Variants in NCAM2 observed in about 807,000 individuals in gnomAD.
The protein encoded by NCAM2 is N-CAM-2.
A neutral mutation model predicts 98.1 loss-of-function variants in NCAM2; 30 were observed. The ratio of observed to expected loss-of-function variants is 0.31; its 90% CI spans 0.23 to 0.41. The LOEUF is 0.41. NCAM2 is among the 10% of genes least tolerant of loss of function. The pLI is 1.00. For synonymous variants in NCAM2, 368 were observed against 342.4 expected, an observed-to-expected ratio of 1.07 and a Z score of -0.83; for missense variants, 867 against 1,005.8, an observed-to-expected ratio of 0.86 and a Z score of 1.87.
intron 1 of NCAM2, among the ~76,000 whole-genome samples, chr21:21,198,482 A>T (rs2069093370): frequency 6.6e-6 from 1 of 152,194 alleles, no homozygotes; most frequent in African/African-American, 2.4e-5. Flanking sequence ...GACCTTATAG[A>T]AAGATGAATT....
intron 6 of NCAM2, among the ~76,000 whole-genome samples, chr21:21,327,133 G>A (rs1046251881): frequency 2.0e-5 from 3 of 151,968 alleles, no homozygotes; most frequent in African/African-American, 4.8e-5. Flanking sequence ...TGGGATTACA[G>A]GCGCAAGCAA....
chr21:21,223,722 G>A (rs1271667055), intron 1 of NCAM2: 1 of 152,028 alleles, frequency 6.6e-6, no homozygotes, highest in African/African-American at 2.4e-5. Flanking sequence ...GTTCTTTTCC[G>A]ACTAGAGTTT....
At chr21:21,423,739 C>T (rs369988762) in intron 11 of NCAM2, among the ~76,000 whole-genome samples, 3 of 152,152 alleles carry the variant, frequency 2.0e-5, no homozygotes, top group South Asian at 4.2e-4. Context: ...AGTTTTGACT[C>T]ATTTTTTAAC....
chr21:21,413,784 T>TTA (rs1170025058), intron 10 of NCAM2, among the ~76,000 whole-genome samples: 1 of 152,192 alleles, frequency 6.6e-6, no homozygotes, highest in Non-Finnish European at 1.5e-5. Flanking sequence ...TGCTTACTGA[T>TTA]CAGAATGTTG....
At chr21:21,490,585 G>A (rs112721602) in intron 15 of NCAM2, among the ~76,000 whole-genome samples, 2 of 151,684 alleles carry the variant, frequency 1.3e-5, no homozygotes, top group African/African-American at 2.4e-5. Flanking sequence ...TTCTATGTAT[G>A]TACTGAATAG....
At chr21:21,281,989 C>A (rs577699362) in intron 2 of NCAM2, among the ~76,000 whole-genome samples, 111 of 151,866 alleles carry the variant, frequency 7.3e-4, no homozygotes, top group African/African-American at 2.6e-3. Flanking sequence ...ATTCTTTATA[C>A]ATTTTCCTTC....
chr21:21,316,533 C>CTTTTT (rs34341259), intron 5 of NCAM2, among the ~76,000 whole-genome samples: 17 of 110,896 alleles, frequency 1.5e-4, no homozygotes, highest in Middle Eastern at 5.4e-3. Context: ...ATCTTTTATT[C>CTTTTT]TTTTTTTTTT....
chr21:21,052,022 A>C (rs1460183075), intron 1 of NCAM2, among the ~76,000 whole-genome samples: 1 of 152,134 alleles, frequency 6.6e-6, no homozygotes, highest in African/African-American at 2.4e-5. Flanking sequence ...TTTTTAACAA[A>C]GGTAAATTGC....
intron 1 of NCAM2, among the ~76,000 whole-genome samples, chr21:21,186,567 G>A (rs1425525052): frequency 6.6e-6 from 1 of 152,058 alleles, no homozygotes; most frequent in Non-Finnish European, 1.5e-5. Context: ...ATACAAAACA[G>A]TAATACCTGT....
At chr21:21,227,876 G>T (rs1430525514) in intron 1 of NCAM2, among the ~76,000 whole-genome samples, 2 of 151,746 alleles carry the variant, frequency 1.3e-5, no homozygotes, top group Non-Finnish European at 3.0e-5. Flanking sequence ...AAAACTTAGA[G>T]AAATATAAGT....
chr21:21,259,894 T>G (rs560478728), intron 1 of NCAM2, among the ~76,000 whole-genome samples: 1 of 141,846 alleles, frequency 7.0e-6, no homozygotes, highest in Non-Finnish European at 1.5e-5. Flanking sequence ...TTTTTAAAAG[T>G]TACATCCAAA....
rs751489970 is a variant in NCAM2, at chr21:21,450,793, T to TGTATGTATACAC, written c.1655-15813_1655-15812insGTATGTATACAC. ...CATCATGTATGTATGTATGTATGTATACACACACACACACACACACACACA... is the reference window on the plus strand; with the variant it reads ...CATCATGTATGTATGTATGTATGTATGTATGTATACACACACACACACACACACACACACACA... On this transcript the variant is annotated intron_variant, in intron 12 of 17. Transcript: ENST00000400546. Among the ~76,000 whole-genome samples the TGTATGTATACAC allele has an allele frequency of 9.7e-3, 1,397 of 143,398 alleles. 17 individuals are homozygous for TGTATGTATACAC. Among genetic ancestry groups the TGTATGTATACAC allele is most frequent in the African/African-American group, 0.014 (529 of 37,852 alleles). The allele number at this position is 143,398 out of a possible 152,430, so 94.1% of individuals were successfully genotyped here.
intron 1 of NCAM2, among the ~76,000 whole-genome samples, chr21:21,046,430 A>T (rs527705782): frequency 6.6e-6 from 1 of 152,158 alleles, no homozygotes; most frequent in South Asian, 2.1e-4. Context: ...TCAAGATTCT[A>T]TTGGATTATC....
At chr21:21,233,504 A>C (rs1279922050) in intron 1 of NCAM2, among the ~76,000 whole-genome samples, 1 of 151,652 alleles carries the variant, frequency 6.6e-6, no homozygotes, top group African/African-American at 2.4e-5. Context: ...AGACATTTTA[A>C]TCAAATTAAT....
intron 9 of NCAM2, among the ~76,000 whole-genome samples, chr21:21,376,844 T>C (rs2076043110): frequency 6.6e-6 from 1 of 151,796 alleles, no homozygotes; most frequent in East Asian, 1.9e-4. Context: ...GTTTATCTTA[T>C]TTAAACAGGG....
At position 21,275,929 on chromosome 21, in the gene NCAM2, T is replaced by C. The variant is rs574306656; in HGVS notation, c.56-4649T>C. Among the ~76,000 whole-genome samples, 6 of 152,292 alleles carry C rather than the reference T, an allele frequency of 3.9e-5. No individual in the cohort carries two copies. In the East Asian group the frequency reaches 1.2e-3, roughly 29 times the overall value. ...AAGTCAGTTGTTTCTGATATTCTCC[T>C]GAGTGTTTTCCAAACTATTTTTCCA... is the stretch of plus-strand genomic sequence containing the variant. On this transcript the variant is annotated intron_variant, in intron 1 of 17. Transcript: ENST00000400546.
intron 12 of NCAM2, among the ~76,000 whole-genome samples, chr21:21,450,828 A>C (rs888142697): frequency 2.1e-5 from 3 of 145,200 alleles, no homozygotes; most frequent in African/African-American, 7.9e-5. Flanking sequence ...ACACACACAC[A>C]CACACATATC....
chr21:21,193,124 C>A (rs2068880203), intron 1 of NCAM2, among the ~76,000 whole-genome samples: 1 of 152,164 alleles, frequency 6.6e-6, no homozygotes, highest in Admixed American at 6.5e-5. Flanking sequence ...CTATCCCCAT[C>A]TCTCTGTTTA....
At chr21:21,534,694 T>C in intron 17 of NCAM2, 38 bp downstream of exon 17, 1 of 1,482,652 alleles carries the variant, frequency 6.7e-7, no homozygotes, top group Non-Finnish European at 9.0e-7. Context: ...TTCAAATGGG[T>C]ATTGGCAAAA....
Sources: gnomAD v4.1 joint callset for allele counts (sites outside exome capture counted in the v4.1 genomes callset) on GRCh38, gnomAD v4.1.1 for gene constraint, MANE v1.5 for transcripts, NCBI Gene and HGNC (gene_info 2026-07-23, HGNC 2026-07-21) for gene names.